CCDC149: variants seen among roughly 807,000 people sequenced by gnomAD.
CCDC149 encodes the protein coiled-coil domain-containing protein 149.
In CCDC149, 45 loss-of-function variants were observed where a neutral mutation model predicts 59.9. The observed-to-expected ratio is 0.75, with a 90% confidence interval of 0.59 to 0.96. The LOEUF (loss-of-function observed/expected upper bound fraction) is 0.96, where lower values mean the gene tolerates loss of function less well. Ranked by LOEUF, CCDC149 falls within the 40% of genes least tolerant of loss-of-function variation. CCDC149 has a pLI of 0.00. For synonymous variants in CCDC149, 245 were observed against 260.6 expected (o/e 0.94, Z 0.58); for missense variants, 584 against 664.7 (o/e 0.88, Z 1.33).
intron 8 of CCDC149, among the ~76,000 whole-genome samples, chr4:24,831,942 A>G (rs1238847293): frequency 6.6e-6 from 1 of 152,240 alleles, no homozygotes; most frequent in Non-Finnish European, 1.5e-5. Flanking sequence ...AAAGTCTTAA[A>G]ATTGAGGGAA....
At chr4:24,874,260 G>GTTTTTTT (rs1233579287) in intron 2 of CCDC149, among the ~76,000 whole-genome samples, 2 of 33,848 alleles carry the variant, frequency 5.9e-5, no homozygotes, top group African/African-American at 8.9e-5. Flanking sequence ...TTTTTTTTTT[G>GTTTTTTT]TTTTGTTTTT....
At chr4:24,916,824 G>GTGTGTGTGTGTGTA (rs773321362), upstream of CCDC149, among the ~76,000 whole-genome samples, 3 of 148,408 alleles carry the variant, frequency 2.0e-5, no homozygotes, top group African/African-American at 7.5e-5. Flanking sequence ...GTGTGTGTGT[G>GTGTGTGTGTGTGTA]TACATATATT....
At chr4:24,962,327 A>C (rs1723657379) in intron 1 of CCDC149, among the ~76,000 whole-genome samples, 1 of 152,038 alleles carries the variant, frequency 6.6e-6, no homozygotes, top group Non-Finnish European at 1.5e-5. Context: ...GCTGGAGAGG[A>C]TGTGGAGAAA....
At chr4:24,885,704 C>T (rs191692669) in intron 1 of CCDC149, among the ~76,000 whole-genome samples, 1 of 152,186 alleles carries the variant, frequency 6.6e-6, no homozygotes, top group African/African-American at 2.4e-5. Flanking sequence ...CCTCCTAATG[C>T]CTCCACTTTT....
chr4:24,911,866 G>C (rs988873566), intron 1 of CCDC149, among the ~76,000 whole-genome samples: 3 of 152,178 alleles, frequency 2.0e-5, no homozygotes, highest in African/African-American at 7.2e-5. Context: ...AGAGCAAACC[G>C]ATACACTCTG....
rs541198517 is a variant in CCDC149, at chr4:24,900,776, G to A, written c.63+12041C>T. Among the ~76,000 whole-genome samples the A allele has an allele frequency of 7.9e-5, 12 of 152,358 alleles. No individual in the cohort carries two copies. The East Asian group carries it at 1.9e-3, about 24-fold the overall frequency. ...TCATGGAGGATTTTAGGAGGGATGT[G>A]GGGTTCCACCCCACCTTAAAGGACT... On this transcript the variant is annotated intron_variant, in intron 1 of 12. Coordinates refer to ENST00000635206, the MANE Select transcript of CCDC149 (RefSeq NM_001330643.2).
At chr4:24,878,185 G>A (rs1719591397) in intron 1 of CCDC149, among the ~76,000 whole-genome samples, 1 of 126,418 alleles carries the variant, frequency 7.9e-6, no homozygotes, top group South Asian at 2.6e-4. Context: ...GAGAAAAAGA[G>A]AGTTTTGTGC....
At chr4:24,851,188 C>T (rs1221282529) in intron 4 of CCDC149, among the ~76,000 whole-genome samples, 6 of 152,218 alleles carry the variant, frequency 3.9e-5, no homozygotes, top group African/African-American at 1.4e-4. Context: ...ACTGTGACCA[C>T]CTGTGCTCAG....
At chr4:24,944,881 C>G (rs371203564) in intron 1 of CCDC149, among the ~76,000 whole-genome samples, 9 of 152,274 alleles carry the variant, frequency 5.9e-5, no homozygotes, top group African/African-American at 1.7e-4. Flanking sequence ...AGCTCACGAC[C>G]ACTGGTAAGG....
intron 1 of CCDC149, among the ~76,000 whole-genome samples, chr4:24,976,488 G>A (rs557427448): frequency 4.6e-5 from 7 of 152,302 alleles, no homozygotes; most frequent in African/African-American, 1.4e-4. Flanking sequence ...TGAGGCTGGC[G>A]AATCGCCTGA....
At chr4:24,894,112 G>A (rs1195499851) in intron 1 of CCDC149, among the ~76,000 whole-genome samples, 5 of 152,132 alleles carry the variant, frequency 3.3e-5, no homozygotes, top group African/African-American at 9.7e-5. Context: ...TCTTTTAGCT[G>A]TACTGAAAGT....
At chr4:24,883,386 T>C (rs2109265532) in intron 1 of CCDC149, among the ~76,000 whole-genome samples, 1 of 149,114 alleles carries the variant, frequency 6.7e-6, no homozygotes, top group East Asian at 2.0e-4. Context: ...AAAACTACTG[T>C]TCTCTAATAA....
intron 1 of CCDC149, among the ~76,000 whole-genome samples, chr4:24,968,143 A>T (rs562401536): frequency 6.6e-6 from 1 of 152,226 alleles, no homozygotes; most frequent in African/African-American, 2.4e-5. Flanking sequence ...AGGGGCTCCC[A>T]TTTGAGCTGG....
At chr4:24,929,595 G>A (rs980984404) in intron 1 of CCDC149, among the ~76,000 whole-genome samples, 4 of 152,134 alleles carry the variant, frequency 2.6e-5, no homozygotes, top group Admixed American at 6.5e-5. Flanking sequence ...CTTTTCCAAC[G>A]TAAACTCTGT....
chr4:24,925,390 C>A (rs576468048), intron 1 of CCDC149, among the ~76,000 whole-genome samples: 1 of 152,194 alleles, frequency 6.6e-6, no homozygotes, highest in East Asian at 1.9e-4. Context: ...CTGGTTCTTG[C>A]CTTTAAAAGA....
chr4:24,815,704 AG>A (rs1265720062), intron 12 of CCDC149, among the ~76,000 whole-genome samples: 4 of 152,170 alleles, frequency 2.6e-5, no homozygotes, highest in African/African-American at 7.2e-5. Context: ...TAAATTACAC[AG>A]GGGACTTTCA....
At chr4:24,885,438 C>G (rs774481128) in intron 1 of CCDC149, among the ~76,000 whole-genome samples, 20 of 152,198 alleles carry the variant, frequency 1.3e-4, no homozygotes, top group Non-Finnish European at 2.8e-4. Context: ...AGAGAACACA[C>G]TGGCTTTGCT....
At chr4:24,944,604 G>A (rs1174769896) in intron 1 of CCDC149, among the ~76,000 whole-genome samples, 1 of 151,776 alleles carries the variant, frequency 6.6e-6, no homozygotes, top group East Asian at 1.9e-4. Context: ...TGGGGTGGGA[G>A]GCAAGGGGAG....
chr4:24,937,937 G>T (rs1722830640), intron 1 of CCDC149, among the ~76,000 whole-genome samples: 1 of 152,150 alleles, frequency 6.6e-6, no homozygotes, highest in African/African-American at 2.4e-5. Flanking sequence ...TGGATGATAT[G>T]TTGGTGGTGG....
Sources: allele counts gnomAD v4.1 joint callset (sites outside exome capture counted in the v4.1 genomes callset), GRCh38; gene constraint gnomAD v4.1.1; transcripts MANE v1.5; gene names NCBI Gene and HGNC (gene_info 2026-07-23, HGNC 2026-07-21).